Variants in TBC1D8B observed in about 807,000 individuals in gnomAD.
TBC1D8B encodes the protein RP11-321G1.1.
A neutral mutation model predicts 82.9 loss-of-function variants in TBC1D8B; 75 were observed. That is an observed-to-expected ratio of 0.90 (90% CI 0.75 to 1.10). The LOEUF (loss-of-function observed/expected upper bound fraction) is 1.10. Among genes scored for constraint, TBC1D8B ranks in the 50% least tolerant of loss-of-function variants. The pLI, the probability that TBC1D8B is intolerant of heterozygous loss-of-function variation, is 0.00. For missense variants in TBC1D8B, 794 were observed against 796.9 expected, an observed-to-expected ratio of 1.00 and a Z score of 0.04; for synonymous variants, 276 against 276.8, an observed-to-expected ratio of 1.00 and a Z score of 0.03.
intron 2 of TBC1D8B, among the ~76,000 whole-genome samples, chrX:106,820,449 G>A (rs768371373): frequency 1.1e-4 from 12 of 111,580 alleles, no homozygotes; most frequent in African/African-American, 3.9e-4. Flanking sequence ...GCATAGGATT[G>A]TCACATACAT....
intron 1 of TBC1D8B, among the ~76,000 whole-genome samples, chrX:106,809,507 G>GT (rs199981770): frequency 0.058 from 6,390 of 110,679 alleles, 503 homozygotes; most frequent in African/African-American, 0.2. Flanking sequence ...TTTTCTAGAA[G>GT]TTTTTTCTGT....
rs189029435 is a variant in TBC1D8B, at chrX:106,871,957, A to G, written c.2967+1144A>G. Among the ~76,000 whole-genome samples the G allele has an allele frequency of 3.6e-5, 4 of 111,390 alleles. No individual in the cohort carries two copies. In the East Asian group the frequency reaches 1.1e-3, roughly 32 times the overall value. ...AGTTGGGGTGCACCACCCTCCCGGC[A>G]TGAGGATGAGTTCTTCTTTACCTTC... On this transcript the variant is annotated intron_variant, in intron 20 of 20. Transcript: ENST00000357242.
intron 1 of TBC1D8B, among the ~76,000 whole-genome samples, chrX:106,806,050 C>G (rs1931179035): frequency 8.9e-6 from 1 of 112,449 alleles, no homozygotes; most frequent in African/African-American, 3.2e-5. Context: ...AATGTAATGA[C>G]TCTTAAGTGT....
In TBC1D8B at chrX:106,865,661, CT is replaced by C. The variant is rs748673980; in HGVS notation, c.2421+42del. The C allele has an allele frequency of 8.5e-4, 953 of 1,119,934 alleles. 8 individuals are homozygous for C. In the South Asian group the frequency reaches 0.017, roughly 20 times the overall value. The allele number at this position is 1,119,934 out of a possible 1,213,427, so 92.3% of individuals were successfully genotyped here. A position where few individuals can be genotyped will look rare whatever the true frequency, so the allele number is the denominator to read the frequency against. On this transcript the variant is annotated intron_variant, in intron 15 of 20. Coordinates refer to ENST00000357242, the MANE Select transcript of TBC1D8B (RefSeq NM_017752.3). ...GTTCTTCTTTAAATGAAAAATAATG[CT>C]TTTTTTTAGCAGAATTGTATCACAG...
chrX:106,839,228 A>G, intron 7 of TBC1D8B, 80 bp from the exon 8 acceptor site: 2 of 988,857 alleles, frequency 2.0e-6, no homozygotes, highest in Non-Finnish European at 2.7e-6. Flanking sequence ...TGGCTTATAA[A>G]TAACAGTAAA....
chrX:106,806,055 A>C (rs1931179475), intron 1 of TBC1D8B, among the ~76,000 whole-genome samples: 1 of 112,683 alleles, frequency 8.9e-6, no homozygotes, highest in Non-Finnish European at 1.9e-5. Flanking sequence ...AATGACTCTT[A>C]AGTGTGGACT....
Position 106,820,155 on chromosome X carries a change from C to T in TBC1D8B, c.242-722C>T, listed in dbSNP as rs745440174. ...TATATAATCCATAGTGCTGAGAAGA[C>T]TTTAATGGTATGTGAGTGATAGGAA... On this transcript the variant is annotated intron_variant, in intron 2 of 20. Coordinates refer to ENST00000357242, the MANE Select transcript of TBC1D8B (RefSeq NM_017752.3). Among the ~76,000 whole-genome samples, 4 of 111,123 alleles carry T rather than the reference C, an allele frequency of 3.6e-5. No individual in the cohort carries two copies. The South Asian group carries it at 1.1e-3, about 31-fold the overall frequency.
At chrX:106,846,057 G>A (rs1243621841) in intron 10 of TBC1D8B, among the ~76,000 whole-genome samples, 1 of 99,044 alleles carries the variant, frequency 1.0e-5, no homozygotes, top group Non-Finnish European at 2.0e-5. Flanking sequence ...CACTGTAATT[G>A]CTAGATGTTG....
At chrX:106,872,972 GA>G (rs1182721146) in intron 20 of TBC1D8B, among the ~76,000 whole-genome samples, 3 of 108,576 alleles carry the variant, frequency 2.8e-5, no homozygotes, top group East Asian at 2.9e-4. Flanking sequence ...CTTGTCTAAG[GA>G]AAAAAAAATA....
At chrX:106,827,455 A>G in intron 7 of TBC1D8B, 118 bp downstream of exon 7, 1 of 759,532 alleles carries the variant, frequency 1.3e-6, no homozygotes, top group Non-Finnish European at 1.9e-6. Flanking sequence ...TTTTTTTTAA[A>G]GATAGAATCT....
intron 19 of TBC1D8B, among the ~76,000 whole-genome samples, chrX:106,869,946 T>C (rs1332346088): frequency 8.9e-6 from 1 of 112,637 alleles, no homozygotes; most frequent in African/African-American, 3.2e-5. Context: ...CATGGACATC[T>C]TTTAATGTCA....
At chrX:106,820,763 A>AT (rs1931672498) in intron 2 of TBC1D8B, 114 bp from the exon 3 acceptor site, 2 of 539,406 alleles carry the variant, frequency 3.7e-6, no homozygotes, top group African/African-American at 4.8e-5. Flanking sequence ...CTTTATGACC[A>AT]TCATTTTTTA....
chrX:106,843,415 A>G (rs908047603), intron 10 of TBC1D8B, among the ~76,000 whole-genome samples: 1 of 111,834 alleles, frequency 8.9e-6, no homozygotes, highest in African/African-American at 3.2e-5. Flanking sequence ...CACATCCTTG[A>G]CAACACTTCT....
intron 3 of TBC1D8B, 60 bp downstream of exon 3, chrX:106,821,055 A>G: frequency 1.6e-6 from 1 of 632,879 alleles, no homozygotes; most frequent in Non-Finnish European, 2.4e-6. Context: ...CTCATGTATG[A>G]GGATCAAAGT....
chrX:106,843,621 A>G (rs1932367585), intron 10 of TBC1D8B, among the ~76,000 whole-genome samples: 1 of 111,398 alleles, frequency 9.0e-6, no homozygotes, highest in South Asian at 3.7e-4. Context: ...AAGTTTTGCA[A>G]TCAGGAAGTG....
intron 7 of TBC1D8B, among the ~76,000 whole-genome samples, chrX:106,832,493 A>G (rs1228046169): frequency 9.0e-6 from 1 of 110,982 alleles, no homozygotes; most frequent in Non-Finnish European, 1.9e-5. Context: ...GGGCCCTCTT[A>G]GGTTAGTTTT....
intron 9 of TBC1D8B, 67 bp from the exon 10 acceptor site, chrX:106,840,603 A>G (rs1932280844): frequency 1.0e-6 from 1 of 959,740 alleles, no homozygotes; most frequent in Non-Finnish European, 1.5e-6. Context: ...CCAATTATTT[A>G]TGTATATATG....
At position 106,827,228 on chromosome X, in the gene TBC1D8B, G is replaced by A. The variant is rs1199551687; in HGVS notation, c.1094G>A (p.Gly365Glu). The change falls in exon 7 of 21, where the codon GGA becomes GAA. Residue 365 changes from glycine to glutamate, a missense_variant. Gly to Glu is a moderately conservative substitution (Grantham distance 98, BLOSUM62 -2). Transcript: ENST00000357242. The part of the protein sequence containing the change: ...SSKSVIISIK[G>E]KTAFRFHEVK... ...AAATCTGTCATCATTAGCATCAAAGGAAAAACAGCTTTTCGCTTCCATGAA... is the reference window on the plus strand; with the variant it reads ...AAATCTGTCATCATTAGCATCAAAGAAAAAACAGCTTTTCGCTTCCATGAA... The A allele has an allele frequency of 8.3e-7, 1 of 1,209,406 alleles. No individual in the cohort carries two copies. Among genetic ancestry groups the A allele is most frequent in the East Asian group, 3.0e-5 (1 of 33,727 alleles).
In TBC1D8B at chrX:106,826,088, GGAGA is replaced by G. The variant is rs1931834519; in HGVS notation, c.890_893del (p.Glu297ValfsTer2). 8.3e-7 allele frequency: 1 copy of G among 1,210,870 alleles called. No homozygotes were observed. The highest frequency in any genetic ancestry group is 3.0e-5 in the East Asian group (1 of 33,760). On this transcript the variant is annotated frameshift_variant, in exon 6 of 21. Coordinates refer to ENST00000357242, the MANE Select transcript of TBC1D8B (RefSeq NM_017752.3). LOFTEE classifies it high-confidence loss of function. ...TAATGCCTTTTTTAGGCTGCCCAAA[GGAGA>G]GAGTTTGAAAGAAGTACATGAATGT...
Sources: gnomAD v4.1 joint callset for allele counts (sites outside exome capture counted in the v4.1 genomes callset) on GRCh38, gnomAD v4.1.1 for gene constraint, MANE v1.5 for transcripts, NCBI Gene and HGNC (gene_info 2026-07-23, HGNC 2026-07-21) for gene names.